The following NEK6 variants were observed in gnomAD, a reference collection of about 807,000 sequenced individuals.
NEK6 encodes NIMA related kinase 6.
In NEK6, 27 loss-of-function variants were observed where a neutral mutation model predicts 43.5. The ratio of observed to expected loss-of-function variants is 0.62; its 90% CI spans 0.46 to 0.86. The LOEUF (loss-of-function observed/expected upper bound fraction) is 0.86. Ranked by LOEUF, NEK6 falls within the 40% of genes least tolerant of loss-of-function variation. The pLI, the probability that NEK6 is intolerant of heterozygous loss-of-function variation, is 0.00. For missense variants in NEK6, 318 were observed against 414.4 expected (o/e 0.77, Z 2.02); for synonymous variants, 167 against 164.1 (o/e 1.02, Z -0.14).
intron 1 of NEK6, among the ~76,000 whole-genome samples, chr9:124,279,952 G>A (rs1359025530): frequency 6.6e-6 from 1 of 152,230 alleles, no homozygotes; most frequent in East Asian, 1.9e-4. Context: ...AGCTTCTCAA[G>A]AAATGCTTGG....
intron 1 of NEK6, among the ~76,000 whole-genome samples, chr9:124,278,025 C>G (rs1831718340): frequency 6.6e-6 from 1 of 152,212 alleles, no homozygotes; most frequent in African/African-American, 2.4e-5. Flanking sequence ...ACACTTTGGT[C>G]AACAGCAGAC....
chr9:124,293,385 G>A (rs1181351725), intron 1 of NEK6, among the ~76,000 whole-genome samples: 2 of 152,182 alleles, frequency 1.3e-5, no homozygotes, highest in African/African-American at 2.4e-5. Flanking sequence ...GGCTGGGAGC[G>A]GACCCAGCCT....
rs570236121 is a variant in NEK6 at position 124,343,549 on chromosome 9, T to C, written c.717+3884T>C. 3.0e-4 allele frequency among the ~76,000 whole-genome samples: 45 copies of C among 152,086 alleles called. 4 individuals are homozygous for C. Among genetic ancestry groups the C allele is most frequent in the South Asian group, 2.7e-3 (13 of 4,818 alleles). ...AGTGACCCCCTCCCCACTCCTGCAG[T>C]CCCTAAAGGGGAAGGTGAAGCAGGC... is the stretch of plus-strand genomic sequence containing the variant. On this transcript the variant is annotated intron_variant, in intron 8 of 9. Coordinates refer to ENST00000320246, the MANE Select transcript of NEK6 (RefSeq NM_014397.6). This position sits in a 1 kb window ranked among gnomAD's most constrained non-coding sequence, Gnocchi z 5.1.
chr9:124,262,143 G>C (rs904703182), intron 1 of NEK6, among the ~76,000 whole-genome samples: 15 of 152,118 alleles, frequency 9.9e-5, no homozygotes, highest in African/African-American at 3.4e-4. Flanking sequence ...GGGCCTCAGT[G>C]GCTTTTTGGT....
At chr9:124,318,775 G>A (rs916734383) in intron 4 of NEK6, among the ~76,000 whole-genome samples, 1 of 151,990 alleles carries the variant, frequency 6.6e-6, no homozygotes, top group Admixed American at 6.6e-5. Context: ...GGGTTCAAGC[G>A]ATTCTCCCAT....
intron 1 of NEK6, among the ~76,000 whole-genome samples, chr9:124,274,794 G>A (rs1475081068): frequency 2.6e-5 from 4 of 152,188 alleles, no homozygotes; most frequent in Admixed American, 6.5e-5. Context: ...CCGGTCTGAC[G>A]CACTGTGCTT....
intron 1 of NEK6, among the ~76,000 whole-genome samples, chr9:124,268,958 AGTC>A (rs1430565892): frequency 2.0e-5 from 3 of 152,192 alleles, no homozygotes; most frequent in African/African-American, 7.2e-5. Flanking sequence ...CTCGGAGCAG[AGTC>A]TCGGCAGATG....
At chr9:124,297,672 G>A (rs931420639) in intron 1 of NEK6, among the ~76,000 whole-genome samples, 4 of 152,222 alleles carry the variant, frequency 2.6e-5, no homozygotes, top group African/African-American at 9.6e-5. Context: ...TGCAGCTCTG[G>A]GTCTTGCATT....
chr9:124,348,952 T>G (rs1588556783), intron 9 of NEK6, among the ~76,000 whole-genome samples: 1 of 152,378 alleles, frequency 6.6e-6, no homozygotes, highest in Non-Finnish European at 1.5e-5. Flanking sequence ...CCATCGTGCT[T>G]CTTGATGGCA....
chr9:124,266,235 G>C (rs182661576), intron 1 of NEK6, among the ~76,000 whole-genome samples: 1 of 152,286 alleles, frequency 6.6e-6, no homozygotes, highest in East Asian at 1.9e-4. Flanking sequence ...GGCACTTACT[G>C]TGGGCCATGT....
At chr9:124,290,010 G>A (rs1188745433) in intron 1 of NEK6, among the ~76,000 whole-genome samples, 1 of 152,240 alleles carries the variant, frequency 6.6e-6, no homozygotes, top group Non-Finnish European at 1.5e-5. Flanking sequence ...GTTCAGTGAG[G>A]ATCCTGGTAA....
rs1350575774 is a variant in NEK6 at position 124,352,605 on chromosome 9, CG to C, written c.*1659del. On this transcript the variant is annotated 3_prime_UTR_variant, in exon 10 of 10. Transcript: ENST00000320246. ...AATAATTTTGAAACTCATCATCAGC[CG>C]AGTTTCTGCCCTCATGAGGTAATTC... 1 of 151,362 alleles carries C rather than the reference CG, an allele frequency of 6.6e-6. No homozygotes were observed. The allele number at this position is 151,362 out of a possible 1,614,324, so 9.4% of individuals were successfully genotyped here. A position where few individuals can be genotyped will look rare whatever the true frequency, so the allele number is the denominator to read the frequency against.
chr9:124,267,445 C>T (rs1831272810), intron 1 of NEK6, among the ~76,000 whole-genome samples: 1 of 152,212 alleles, frequency 6.6e-6, no homozygotes, highest in Non-Finnish European at 1.5e-5. Flanking sequence ...TTCCTTTGTT[C>T]GTCTCCTCCG....
intron 1 of NEK6, among the ~76,000 whole-genome samples, chr9:124,300,776 G>A (rs1341652615): frequency 6.7e-6 from 1 of 150,316 alleles, no homozygotes; most frequent in Non-Finnish European, 1.5e-5. Context: ...CCCCTCAGCT[G>A]TTGAATAAGG....
intron 9 of NEK6, 31 bp from the exon 10 acceptor site, chr9:124,350,806 T>G: frequency 5.6e-5 from 85 of 1,525,086 alleles, no homozygotes; most frequent in Non-Finnish European, 6.9e-5. Context: ...ACTGCTTTCT[T>G]GAGAATAACA....
chr9:124,345,187 G>C (rs1331511112), intron 8 of NEK6, among the ~76,000 whole-genome samples: 3 of 152,226 alleles, frequency 2.0e-5, no homozygotes, highest in Non-Finnish European at 4.4e-5. Flanking sequence ...GGCCTCGGCA[G>C]TTCTAACGAG....
At chr9:124,340,517 C>A (rs1454458707) in intron 8 of NEK6, among the ~76,000 whole-genome samples, 1 of 152,222 alleles carries the variant, frequency 6.6e-6, no homozygotes, top group Non-Finnish European at 1.5e-5. Flanking sequence ...GGGAACAGGA[C>A]CACCTGTCTT....
At chr9:124,334,481 A>T (rs1265941288) in intron 7 of NEK6, among the ~76,000 whole-genome samples, 1 of 152,102 alleles carries the variant, frequency 6.6e-6, no homozygotes, top group Non-Finnish European at 1.5e-5. Flanking sequence ...TGAAGAGAGG[A>T]GGGGACGGAG....
intron 1 of NEK6, among the ~76,000 whole-genome samples, chr9:124,300,664 G>T (rs1832920887): frequency 6.6e-6 from 1 of 152,158 alleles, no homozygotes; most frequent in African/African-American, 2.4e-5. Context: ...CGGACCAGAG[G>T]TTCCTTCTCA....
Sources: allele counts gnomAD v4.1 joint callset (sites outside exome capture counted in the v4.1 genomes callset), GRCh38; gene constraint gnomAD v4.1.1; non-coding constraint Gnocchi (gnomAD v3.1); transcripts MANE v1.5; gene names NCBI Gene and HGNC (gene_info 2026-07-23, HGNC 2026-07-21).